The following PFKFB3 variants were observed in gnomAD, a reference collection of about 807,000 sequenced individuals.
The protein encoded by PFKFB3 is 6-phosphofructo-2-kinase/fructose-2,6-bisphosphatase 3.
PFKFB3 carries 33 observed loss-of-function variants against 68.0 expected under a neutral mutation model. The ratio of observed to expected loss-of-function variants is 0.49; its 90% confidence interval spans 0.37 to 0.65. The LOEUF (loss-of-function observed/expected upper bound fraction) is 0.65. Ranked by LOEUF, PFKFB3 falls within the 30% of genes least tolerant of loss-of-function variation. The pLI is 0.00. For synonymous variants in PFKFB3, 315 were observed against 288.2 expected (o/e 1.09, Z -0.94); for missense variants, 586 against 712.2 (o/e 0.82, Z 2.02).
At position 6,176,366 on chromosome 10, in the gene PFKFB3, C is replaced by T. The variant is rs79310543; in HGVS notation, c.16+31353C>T. On this transcript the variant is annotated intron_variant, in intron 1 of 14. Coordinates refer to the PFKFB3 transcript ENST00000379789. Reference sequence around the variant, plus strand: ...CATAGGCATGCTTTCCTGTGAGGATCGTCGAGCTGTGCATTCTGAATGTAT... The same window carrying T: ...CATAGGCATGCTTTCCTGTGAGGATTGTCGAGCTGTGCATTCTGAATGTAT... Among the ~76,000 whole-genome samples, 921 of 152,232 alleles carry T rather than the reference C, an allele frequency of 6.0e-3. 24 individuals carry two copies. Among genetic ancestry groups the T allele is most frequent in the East Asian group, 0.06 (313 of 5,176 alleles).
At chr10:6,222,051 C>G (rs1267736458) in intron 10 of PFKFB3, among the ~76,000 whole-genome samples, 1 of 139,692 alleles carries the variant, frequency 7.2e-6, no homozygotes, top group African/African-American at 2.6e-5. Context: ...GGCTCTATAT[C>G]CCCTGGGCAG....
At chr10:6,202,446 T>C (rs1203045803), upstream of PFKFB3, 2 of 152,316 alleles carry the variant, frequency 1.3e-5, no homozygotes, top group Non-Finnish European at 2.9e-5. Context: ...TTACCTGGAC[T>C]GCGCCTGCCC....
chr10:6,203,206 T>A lies in PFKFB3; in HGVS notation c.-55T>A. On this transcript the variant is annotated 5_prime_UTR_variant, in exon 1 of 15. Coordinates refer to ENST00000379775, the MANE Select transcript of PFKFB3 (RefSeq NM_004566.4). Reference sequence around the variant, plus strand: ...TTCCGGGGGTCGGCGGCCGCTCTCCTGCCAGCGTCGGGATCTCGGCCCCGG... The same window carrying A: ...TTCCGGGGGTCGGCGGCCGCTCTCCAGCCAGCGTCGGGATCTCGGCCCCGG... 3 of 1,588,348 alleles carry A rather than the reference T, an allele frequency of 1.9e-6. No individual in the cohort carries two copies. The highest frequency in any genetic ancestry group is 2.6e-6 in the Non-Finnish European group (3 of 1,168,606).
the PFKFB3 span, among the ~76,000 whole-genome samples, chr10:6,323,769 C>T: frequency 7.9e-5 from 12 of 152,148 alleles, no homozygotes; most frequent in South Asian, 4.1e-4. Context: ...ATGTATTGGC[C>T]GAGATGTAGA....
intron 14 of PFKFB3, among the ~76,000 whole-genome samples, chr10:6,241,170 G>C (rs889091845): frequency 6.6e-6 from 1 of 152,166 alleles, no homozygotes; most frequent in Admixed American, 6.5e-5. Flanking sequence ...CTCCCAAAGT[G>C]CTGGGATTAC....
chr10:6,156,127 A>ATGTGTGTGTGTGTGTGTG (rs1358879118), intron 1 of PFKFB3, among the ~76,000 whole-genome samples: 1 of 46,720 alleles, frequency 2.1e-5, no homozygotes, highest in Admixed American at 2.9e-4. Flanking sequence ...ATGTACATAT[A>ATGTGTGTGTGTGTGTGTG]TATGTGTGTG....
chr10:6,161,092 T>C (rs111574344), intron 1 of PFKFB3, among the ~76,000 whole-genome samples: 12,639 of 152,152 alleles, frequency 0.083, 660 homozygotes, highest in East Asian at 0.24. Flanking sequence ...CCTGCCACCA[T>C]GCCCAGCTAC....
Position 6,242,660 on chromosome 10 carries a change from T to G in PFKFB3, c.1516-11518T>G, listed in dbSNP as rs141140699. On this transcript the variant is annotated intron_variant, in intron 14 of 14. Coordinates refer to the PFKFB3 transcript ENST00000640683. Reference sequence around the variant, plus strand: ...TGGAGTGCAATGGTGTGGTCTCAGCTCACTGCAACCTCCACCTCCTGAGTT... The same window carrying G: ...TGGAGTGCAATGGTGTGGTCTCAGCGCACTGCAACCTCCACCTCCTGAGTT... Among the ~76,000 whole-genome samples, 1,029 of 152,134 alleles carry G rather than the reference T, an allele frequency of 6.8e-3. 9 individuals are homozygous for G. The highest frequency in any genetic ancestry group is 0.044 in the Middle Eastern group (13 of 294).
chr10:6,178,348 A>G (rs974038313), intron 1 of PFKFB3, among the ~76,000 whole-genome samples: 1 of 151,708 alleles, frequency 6.6e-6, no homozygotes, highest in Non-Finnish European at 1.5e-5. Flanking sequence ...AACAGAAACA[A>G]AAATGCCCTG....
chr10:6,188,828 ATTTTTT>A lies in PFKFB3; in HGVS notation c.17-24775_17-24770del, dbSNP rs35338599. Among the ~76,000 whole-genome samples the A allele has an allele frequency of 9.6e-4, 109 of 113,038 alleles. 2 individuals are homozygous for A. The highest frequency in any genetic ancestry group is 3.2e-3 in the South Asian group (11 of 3,386). 74.2% of individuals were successfully genotyped at this position (113,038 alleles called of 152,430 possible). ...GCTCTGACGGATTTCCTTCCTTTTA[ATTTTTT>A]TTTTTTTTTTTTTTTTTTTAGACGG... On this transcript the variant is annotated intron_variant, in intron 1 of 14. Coordinates refer to the PFKFB3 transcript ENST00000379789.
chr10:6,160,453 C>G (rs1048803863), intron 1 of PFKFB3, among the ~76,000 whole-genome samples: 2 of 152,166 alleles, frequency 1.3e-5, no homozygotes, highest in Non-Finnish European at 2.9e-5. Context: ...TGCGGTGGCT[C>G]ACGCCTGTAA....
chr10:6,199,922 G>T (rs1356397125), upstream of PFKFB3, among the ~76,000 whole-genome samples: 1 of 151,754 alleles, frequency 6.6e-6, no homozygotes, highest in Admixed American at 6.6e-5. Context: ...CCTGATCAGC[G>T]GCTAAATTAG....
rs1368046082 is a variant in PFKFB3 at position 6,181,816 on chromosome 10, A to AG, written c.17-31807_17-31806insG. On this transcript the variant is annotated intron_variant, in intron 1 of 14. Coordinates refer to the PFKFB3 transcript ENST00000379789. ...CCGTTTAAAAAAAAAAAAAAAAAAA[A>AG]AAAGACAAATACTGCATGATTCCAC... Among the ~76,000 whole-genome samples the AG allele has an allele frequency of 2.0e-5, 3 of 151,684 alleles. No homozygotes were observed. The South Asian group carries it at 6.2e-4, about 32-fold the overall frequency.
chr10:6,252,419 A>C (rs1167273092), intron 14 of PFKFB3, among the ~76,000 whole-genome samples: 1 of 152,246 alleles, frequency 6.6e-6, no homozygotes, highest in Non-Finnish European at 1.5e-5. Flanking sequence ...TAACAAGTTC[A>C]TCTCTCTTGA....
upstream of PFKFB3, among the ~76,000 whole-genome samples, chr10:6,199,437 C>T (rs930289760): frequency 4.0e-5 from 6 of 151,646 alleles, no homozygotes; most frequent in East Asian, 1.9e-4. Flanking sequence ...AAGGCTGGAC[C>T]GAGCTCAGTG....
chr10:6,276,988 C>T, the PFKFB3 span, among the ~76,000 whole-genome samples: 1 of 152,102 alleles, frequency 6.6e-6, no homozygotes. Flanking sequence ...AGCCTCAAGT[C>T]ACCTTCCCTC....
At chr10:6,175,863 T>TG in intron 1 of PFKFB3, among the ~76,000 whole-genome samples, 1 of 152,288 alleles carries the variant, frequency 6.6e-6, no homozygotes, top group East Asian at 1.9e-4. Flanking sequence ...GACCACATGT[T>TG]GGGGAGACTG....
chr10:6,249,408 C>T (rs1846328230), intron 14 of PFKFB3, among the ~76,000 whole-genome samples: 1 of 152,102 alleles, frequency 6.6e-6, no homozygotes, highest in African/African-American at 2.4e-5. Context: ...TTCATCACAG[C>T]ACTATTGACA....
upstream of PFKFB3, among the ~76,000 whole-genome samples, chr10:6,200,364 G>C (rs1351808886): frequency 6.6e-6 from 1 of 152,144 alleles, no homozygotes. Context: ...AGTTGGCCAA[G>C]CCCTAGTTGG....
Sources: gnomAD v4.1 joint callset for allele counts (sites outside exome capture counted in the v4.1 genomes callset) on GRCh38, gnomAD v4.1.1 for gene constraint, MANE v1.5 for transcripts, NCBI Gene and HGNC (gene_info 2026-07-23, HGNC 2026-07-21) for gene names.